The following ZNF723 variants were observed in gnomAD, a reference collection of about 807,000 sequenced individuals.
ZNF723 encodes the protein zinc finger protein 723, pseudogene.
ZNF723 carries 5 observed loss-of-function variants against 9.4 expected under a neutral mutation model. The ratio of observed to expected loss-of-function variants is 0.53; its 90% CI spans 0.28 to 1.12. The LOEUF (loss-of-function observed/expected upper bound fraction) is 1.12. Among genes scored for constraint, ZNF723 ranks in the 50% most tolerant of loss-of-function variants. The probability of loss-of-function intolerance (pLI) is 0.10; values close to 1 mark genes in which losing one functional copy is unlikely to be tolerated. For missense variants in ZNF723, 450 were observed against 501.5 expected (o/e 0.90, Z 0.98); for synonymous variants, 158 against 168.8 (o/e 0.94, Z 0.49).
chr19:22,841,193 A>G (rs1327272709), intron 1 of ZNF723, among the ~76,000 whole-genome samples: 1 of 152,248 alleles, frequency 6.6e-6, no homozygotes, highest in Admixed American at 6.5e-5. Context: ...TACCTTCAGC[A>G]GGCACTTGGC....
chr19:22,830,485 C>G (rs1967082227), upstream of ZNF723, among the ~76,000 whole-genome samples: 1 of 151,508 alleles, frequency 6.6e-6, no homozygotes. Flanking sequence ...CTTGACAGGA[C>G]TATTCTCAAT....
At chr19:22,833,950 C>CTTTT (rs1967132000) in intron 1 of ZNF723, among the ~76,000 whole-genome samples, 1 of 83,938 alleles carries the variant, frequency 1.2e-5, no homozygotes, top group Non-Finnish European at 2.1e-5. Context: ...TTTTTTTTTC[C>CTTTT]GAGTCTCCTT....
At chr19:22,844,946 T>C (rs1490485046) in intron 1 of ZNF723, among the ~76,000 whole-genome samples, 3 of 152,086 alleles carry the variant, frequency 2.0e-5, no homozygotes, top group Admixed American at 6.5e-5. Flanking sequence ...TGAAACCCCA[T>C]CTCTACTAAA....
chr19:22,846,813 CTTTTTTTTTTTTTTTTT>C (rs760924027), intron 1 of ZNF723, among the ~76,000 whole-genome samples: 1 of 69,112 alleles, frequency 1.4e-5, no homozygotes, highest in Non-Finnish European at 2.7e-5. Context: ...CTATAATTTC[CTTTTTTTTTTTTTTTTT>C]TTTTTTTTTT....
the ZNF723 span, among the ~76,000 whole-genome samples, chr19:22,814,833 C>T: frequency 6.6e-6 from 1 of 152,104 alleles, no homozygotes; most frequent in Non-Finnish European, 1.5e-5. Flanking sequence ...TATACTTTTG[C>T]CTTAGCACTT....
In ZNF723 at chr19:22,848,236, A is replaced by ATG. The variant is rs1327496178; in HGVS notation, c.4-13_4-12dup. 1.8e-4 allele frequency: 159 copies of ATG among 875,626 alleles called. No individual in the cohort carries two copies. The East Asian group carries it at 3.8e-3, about 21-fold the overall frequency. 54.2% of individuals were successfully genotyped at this position (875,626 alleles called of 1,614,324 possible). On this transcript the variant is annotated intron_variant, in intron 1 of 3. Transcript: ENST00000600766. Reference sequence around the variant, plus strand: ...TTGGCCACCCGGTAAATATGTGTGTATGTGTGTGTGTGTTTTTTTTTCAGG... The same window carrying ATG: ...TTGGCCACCCGGTAAATATGTGTGTATGTGTGTGTGTGTGTTTTTTTTTCAGG...
At chr19:22,815,027 C>T in the ZNF723 span, among the ~76,000 whole-genome samples, 2 of 151,836 alleles carry the variant, frequency 1.3e-5, no homozygotes, top group South Asian at 4.2e-4. Flanking sequence ...TGCTTGGGCT[C>T]GCCTACAGAG....
Position 22,858,042 on chromosome 19 carries a change from T to C in ZNF723, c.1151T>C (p.Leu384Pro). 6.6e-7 allele frequency: 1 copy of C among 1,524,862 alleles called. No homozygotes were observed. Among genetic ancestry groups the C allele is most frequent in the East Asian group, 2.3e-5 (1 of 44,426 alleles). 94.5% of individuals were successfully genotyped at this position (1,524,862 alleles called of 1,614,324 possible). A position where few individuals can be genotyped will look rare whatever the true frequency, so the allele number is the denominator to read the frequency against. The part of the protein sequence containing the change: ...CGKAFKVSVH[L>P]TTHKRIHTGE... ...AAAGCTTTTAAAGTATCTGTACACC[T>C]TACTACACATAAGAGAATTCATACT... The change falls in exon 4 of 4, where the codon CTT becomes CCT. Residue 384 changes from leucine (L) to proline (P), a missense_variant. Transcript: ENST00000600766.
chr19:22,833,926 CTTTTTTTTTT>C (rs34792208), intron 1 of ZNF723, among the ~76,000 whole-genome samples: 1 of 89,316 alleles, frequency 1.1e-5, no homozygotes, highest in East Asian at 3.6e-4. Context: ...TTTTAGCGTA[CTTTTTTTTTT>C]TTTTTTTTTT....
chr19:22,829,006 C>T (rs1053071069), upstream of ZNF723, among the ~76,000 whole-genome samples: 58 of 152,106 alleles, frequency 3.8e-4, no homozygotes, highest in African/African-American at 1.4e-3. Context: ...AACTCCATCG[C>T]TACTAAAAAT....
At chr19:22,835,069 G>GTTTTTT (rs57260930) in intron 1 of ZNF723, among the ~76,000 whole-genome samples, 1,792 of 139,608 alleles carry the variant, frequency 0.013, 56 homozygotes, top group African/African-American at 0.042. Context: ...TTTGTTGGTT[G>GTTTTTT]TTTTTTTTTT....
chr19:22,832,232 G>A (rs879928406), upstream of ZNF723: 187 of 881,234 alleles, frequency 2.1e-4, 5 homozygotes, highest in Admixed American at 1.6e-4. Context: ...TTGACTAAGA[G>A]CCGTCCAATC....
chr19:22,830,633 C>A (rs941986457), upstream of ZNF723, among the ~76,000 whole-genome samples: 1 of 152,168 alleles, frequency 6.6e-6, no homozygotes, highest in Non-Finnish European at 1.5e-5. Context: ...TCAGTTTATT[C>A]TGAGTTTCAG....
intron 1 of ZNF723, among the ~76,000 whole-genome samples, chr19:22,844,371 T>C (rs1967282787): frequency 6.6e-6 from 1 of 152,162 alleles, no homozygotes; most frequent in African/African-American, 2.4e-5. Flanking sequence ...GCTTTTATTG[T>C]ATACATTTTC....
chr19:22,827,952 T>C (rs1008524143), upstream of ZNF723, among the ~76,000 whole-genome samples: 1 of 152,002 alleles, frequency 6.6e-6, no homozygotes, highest in African/African-American at 2.4e-5. Flanking sequence ...TGGTGGCACA[T>C]GCCTGTAATC....
At chr19:22,825,489 T>G in the ZNF723 span, among the ~76,000 whole-genome samples, 1 of 152,270 alleles carries the variant, frequency 6.6e-6, no homozygotes, top group Non-Finnish European at 1.5e-5. Context: ...TAGATGGTGT[T>G]GTGACATGAA....
chr19:22,823,402 C>T, the ZNF723 span, among the ~76,000 whole-genome samples: 6 of 152,270 alleles, frequency 3.9e-5, no homozygotes, highest in East Asian at 9.7e-4. Context: ...GGTCCACAGA[C>T]GAGATAGTGA....
chr19:22,846,563 C>T (rs1967311686), intron 1 of ZNF723, among the ~76,000 whole-genome samples: 1 of 152,088 alleles, frequency 6.6e-6, no homozygotes, highest in South Asian at 2.1e-4. Flanking sequence ...GTGGAGGTTG[C>T]ACTGAGGCAA....
the ZNF723 span, among the ~76,000 whole-genome samples, chr19:22,815,448 C>T: frequency 6.6e-6 from 1 of 152,148 alleles, no homozygotes; most frequent in Non-Finnish European, 1.5e-5. Flanking sequence ...TATGGCTTTG[C>T]TGCCTGTGCT....
Sources: allele counts gnomAD v4.1 joint callset (sites outside exome capture counted in the v4.1 genomes callset), GRCh38; gene constraint gnomAD v4.1.1; transcripts MANE v1.5; gene names NCBI Gene and HGNC (gene_info 2026-07-23, HGNC 2026-07-21).